Variants in DAAM1 observed in about 807,000 individuals in gnomAD.
The protein encoded by DAAM1 is disheveled-associated activator of morphogenesis 1.
DAAM1 carries 52 observed loss-of-function variants against 130.0 expected under a neutral mutation model. The observed-to-expected ratio is 0.40, with a 90% confidence interval of 0.32 to 0.50. DAAM1 has a LOEUF of 0.50. Among genes scored for constraint, DAAM1 ranks in the 20% least tolerant of loss-of-function variants. The probability of loss-of-function intolerance (pLI) is 0.61; values close to 1 mark genes in which losing one functional copy is unlikely to be tolerated. For synonymous variants in DAAM1, 452 were observed against 444.5 expected (o/e 1.02, Z -0.21); for missense variants, 1,134 against 1,303.8 (o/e 0.87, Z 2.01).
At chr14:59,199,778 G>A (rs955075672) in intron 1 of DAAM1, among the ~76,000 whole-genome samples, 5 of 152,190 alleles carry the variant, frequency 3.3e-5, no homozygotes, top group Non-Finnish European at 7.3e-5. Context: ...ATTATTTGTT[G>A]TGAGGCAGAT....
intron 1 of DAAM1, among the ~76,000 whole-genome samples, chr14:59,250,716 G>T (rs1440602198): frequency 2.0e-5 from 3 of 152,292 alleles, no homozygotes; most frequent in Non-Finnish European, 2.9e-5. Flanking sequence ...TGAGCATCTT[G>T]TGCGTGCTAA....
intron 2 of DAAM1, among the ~76,000 whole-genome samples, chr14:59,281,450 T>TA (rs1883216086): frequency 6.6e-6 from 1 of 152,140 alleles, no homozygotes; most frequent in Non-Finnish European, 1.5e-5. Flanking sequence ...TATCAGACCT[T>TA]ACTCTTGTTA....
intron 14 of DAAM1, 30 bp from the exon 15 acceptor site, chr14:59,331,783 C>CT (rs1325303718): frequency 6.2e-7 from 1 of 1,600,616 alleles, no homozygotes; most frequent in Non-Finnish European, 8.5e-7. Context: ...TAACTGTAAA[C>CT]TATAGCACTT....
chr14:59,326,760 T>C, intron 11 of DAAM1, 112 bp downstream of exon 11: 1 of 1,531,422 alleles, frequency 6.5e-7, no homozygotes, highest in Non-Finnish European at 8.8e-7. Context: ...AGGGGTCAAA[T>C]ATGAGTTACT....
intron 2 of DAAM1, among the ~76,000 whole-genome samples, chr14:59,269,390 G>C (rs1882606911): frequency 6.6e-6 from 1 of 152,198 alleles, no homozygotes; most frequent in Non-Finnish European, 1.5e-5. Flanking sequence ...AAAACACATT[G>C]TGTTTCTTGG....
At chr14:59,272,396 TG>T (rs2139524001) in intron 2 of DAAM1, among the ~76,000 whole-genome samples, 1 of 152,156 alleles carries the variant, frequency 6.6e-6, no homozygotes, top group Admixed American at 6.5e-5. Flanking sequence ...CTGGCCAACA[TG>T]GTGAAACCCC....
chr14:59,319,063 T>C (rs980881228), intron 4 of DAAM1, among the ~76,000 whole-genome samples: 4 of 152,190 alleles, frequency 2.6e-5, no homozygotes, highest in African/African-American at 9.6e-5. Flanking sequence ...CGAGTTCAGC[T>C]ATGTCATTGG....
In DAAM1 at chr14:59,330,455, C is replaced by T. The variant is rs753419963; in HGVS notation, c.1373-46C>T. The stretch of plus-strand genomic sequence containing the variant: ...TTTTCTTTTAGAGAAAATGCTTCAG[C>T]TTTGAAGACTCTCCTGTTTTCATGT... On this transcript the variant is annotated intron_variant, in intron 12 of 24. Coordinates refer to ENST00000360909, the MANE Select transcript of DAAM1 (RefSeq NM_001270520.2). The T allele has an allele frequency of 2.0e-6, 3 of 1,503,016 alleles. No individual in the cohort carries two copies. The East Asian group carries it at 7.0e-5, about 35-fold the overall frequency. The allele number at this position is 1,503,016 out of a possible 1,614,324, so 93.1% of individuals were successfully genotyped here.
chr14:59,298,960 A>G (rs572945549), intron 3 of DAAM1, among the ~76,000 whole-genome samples: 238 of 152,304 alleles, frequency 1.6e-3, no homozygotes, highest in Admixed American at 4.8e-3. Flanking sequence ...CAGTAAGTAA[A>G]TGTACTCATA....
intron 3 of DAAM1, among the ~76,000 whole-genome samples, chr14:59,296,094 A>G (rs561198035): frequency 2.8e-4 from 42 of 152,350 alleles, no homozygotes; most frequent in Non-Finnish European, 4.9e-4. Flanking sequence ...TTATGTGATA[A>G]GAGCTTACAG....
chr14:59,363,901 GA>G, intron 23 of DAAM1, 119 bp downstream of exon 23: 2 of 1,389,568 alleles, frequency 1.4e-6, no homozygotes, highest in Non-Finnish European at 2.0e-6. Context: ...CGTGGTGCAG[GA>G]AATAAAGTAG....
intron 2 of DAAM1, among the ~76,000 whole-genome samples, chr14:59,276,667 T>A (rs1478532293): frequency 6.6e-6 from 1 of 152,192 alleles, no homozygotes; most frequent in Non-Finnish European, 1.5e-5. Flanking sequence ...GGTATCTAAT[T>A]TGAAAAATAA....
chr14:59,314,399 A>G (rs938839747), intron 3 of DAAM1, among the ~76,000 whole-genome samples: 1 of 152,158 alleles, frequency 6.6e-6, no homozygotes, highest in Non-Finnish European at 1.5e-5. Context: ...GCAAATACGC[A>G]TAGAAATCCC....
At chr14:59,366,049 TTTAACTTTAAAA>T (rs1475487768) in intron 23 of DAAM1, among the ~76,000 whole-genome samples, 1 of 151,138 alleles carries the variant, frequency 6.6e-6, no homozygotes, top group Non-Finnish European at 1.5e-5. Flanking sequence ...TATATTTTTA[TTTAACTTTAAAA>T]ATTTCTTGGT....
chr14:59,229,808 G>A (rs753009314), intron 1 of DAAM1, among the ~76,000 whole-genome samples: 1 of 152,230 alleles, frequency 6.6e-6, no homozygotes, highest in Non-Finnish European at 1.5e-5. Flanking sequence ...AGGCACTTCA[G>A]TGAAGGCATG....
chr14:59,303,716 G>A (rs894430603), intron 3 of DAAM1, among the ~76,000 whole-genome samples: 1 of 151,896 alleles, frequency 6.6e-6, no homozygotes, highest in East Asian at 1.9e-4. Context: ...GGGACCCAAC[G>A]TGGCGAAACC....
At position 59,368,801 on chromosome 14, in the gene DAAM1, T is replaced by C; in HGVS notation, c.3149T>C (p.Ile1050Thr). 3.1e-6 allele frequency: 5 copies of C among 1,613,988 alleles called. No individual in the cohort carries two copies. The highest frequency in any genetic ancestry group is 2.2e-5 in the East Asian group (1 of 44,864). ...LSKLKRNRKR[I>T]TNQMTDSSRE... ...AAATTGAAACGGAATCGCAAACGTATTACCAACCAGATGACTGACAGCAGC... is the reference window on the plus strand; with the variant it reads ...AAATTGAAACGGAATCGCAAACGTACTACCAACCAGATGACTGACAGCAGC... The change falls in exon 25 of 25, where the codon ATT becomes ACT. Residue 1050 changes from isoleucine to threonine, a missense_variant. Ile to Thr is a moderately conservative substitution (Grantham distance 89). This residue lies in a region of DAAM1 where 644 missense variants were observed against 695.9 expected (regional missense o/e 0.93). Coordinates refer to ENST00000360909, the MANE Select transcript of DAAM1 (RefSeq NM_001270520.2).
chr14:59,197,062 A>G (rs1019364464), intron 1 of DAAM1, among the ~76,000 whole-genome samples: 1 of 152,006 alleles, frequency 6.6e-6, no homozygotes, highest in Non-Finnish European at 1.5e-5. Flanking sequence ...CTGGGACTAC[A>G]GGCGCCTGCC....
At chr14:59,349,064 G>A (rs1272669) in intron 17 of DAAM1, among the ~76,000 whole-genome samples, 116,386 of 152,240 alleles carry the variant, frequency 0.76, 44,916 homozygotes, top group East Asian at 0.85. Flanking sequence ...GCTCCTTCAC[G>A]TACCCTTCCC....
Sources: allele counts gnomAD v4.1 joint callset (sites outside exome capture counted in the v4.1 genomes callset), GRCh38; gene constraint gnomAD v4.1.1; regional missense constraint gnomAD v4.1.1; transcripts MANE v1.5; gene names NCBI Gene and HGNC (gene_info 2026-07-23, HGNC 2026-07-21).